Variants in ZSCAN18 observed in about 807,000 individuals in gnomAD.
ZSCAN18 encodes zinc finger and SCAN domain containing 18, also known as zinc finger and SCAN domain-containing protein 18.
In ZSCAN18, 16 loss-of-function variants were observed where a neutral mutation model predicts 31.1. The ratio of observed to expected loss-of-function variants is 0.51; its 90% confidence interval spans 0.35 to 0.78. The LOEUF is 0.78. ZSCAN18 is among the 30% of genes least tolerant of loss of function. ZSCAN18 has a pLI of 0.01. For missense variants in ZSCAN18, 731 were observed against 697.4 expected, an observed-to-expected ratio of 1.05 and a Z score of -0.54; for synonymous variants, 375 against 320.7, an observed-to-expected ratio of 1.17 and a Z score of -1.81.
intron 1 of ZSCAN18, among the ~76,000 whole-genome samples, chr19:58,117,081 T>C (rs894665462): frequency 6.6e-6 from 1 of 152,190 alleles, no homozygotes; most frequent in Non-Finnish European, 1.5e-5. Context: ...TTTTGAATTT[T>C]AATTTATGTC....
chr19:58,086,259 C>A lies in ZSCAN18; in HGVS notation c.753G>T (p.Gln251His). 1 of 1,613,758 alleles carries A rather than the reference C, an allele frequency of 6.2e-7. No individual in the cohort carries two copies. The highest frequency in any genetic ancestry group is 1.1e-5 in the South Asian group (1 of 91,086). The change falls in exon 6 of 7, where the codon CAG becomes CAT. Residue 251 changes from glutamine to histidine, a missense_variant. Gln to His is a conservative substitution (Grantham distance 24). This residue lies in a region of ZSCAN18 where 597 missense variants were observed against 499.5 expected (regional missense o/e 1.20). Transcript: ENST00000601144. ...SYRKLLLWGY[Q>H]LSQPDAASRL... The stretch of plus-strand genomic sequence containing the variant: ...TGGAGGCAGCGTCAGGCTGGGAAAG[C>A]TGATACCCTGAGTGGGGTTAAAAAC...
rs369240615 is a variant in ZSCAN18 at position 58,085,053 on chromosome 19, C to T, written c.1165G>A (p.Gly389Ser). Residue 389 changes from glycine (G) to serine (S), a missense_variant, in exon 7 of 7, where the codon GGC (glycine) becomes AGC (serine). This residue lies in a region of ZSCAN18 where 597 missense variants were observed against 499.5 expected (regional missense o/e 1.20). Transcript: ENST00000601144. Reference sequence around the variant, plus strand: ...CCGGCCTCCAGCCCTGCGCTGTCGCCGGAGCTAGAGACGCCCTCGAGGCTC... The same window carrying T: ...CCGGCCTCCAGCCCTGCGCTGTCGCTGGAGCTAGAGACGCCCTCGAGGCTC... ...GQSLEGVSSS[G>S]DSAGLEAGQG... 68 of 1,598,590 alleles carry T rather than the reference C, an allele frequency of 4.3e-5. No individual in the cohort carries two copies. Among genetic ancestry groups the T allele is most frequent in the Admixed American group, 1.2e-4 (7 of 58,846 alleles).
At chr19:58,118,337 A>G (rs1002756431) in exon 1 of ZSCAN18, 30 of 1,532,814 alleles carry the variant, frequency 2.0e-5, no homozygotes, top group Non-Finnish European at 2.5e-5. Context: ...CCGCGAGAGG[A>G]CGGAACTCAC....
chr19:58,097,679 C>T (rs1208970236), intron 1 of ZSCAN18, among the ~76,000 whole-genome samples: 1 of 149,284 alleles, frequency 6.7e-6, no homozygotes, highest in African/African-American at 2.5e-5. Context: ...CCTCAGCCCC[C>T]ACTTCCTCCC....
upstream of ZSCAN18, among the ~76,000 whole-genome samples, chr19:58,101,299 A>ATTTTTTTTTTTTTTTTTTTTT (rs71188078): frequency 9.2e-6 from 1 of 108,412 alleles, no homozygotes; most frequent in African/African-American, 3.6e-5. Flanking sequence ...TGCCCAGCTA[A>ATTTTTTTTTTTTTTTTTTTTT]TTTTTTTTTT....
chr19:58,084,972 C>A lies in ZSCAN18; in HGVS notation c.1246G>T (p.Gly416Cys). 6.3e-7 allele frequency: 1 copy of A among 1,599,904 alleles called. No homozygotes were observed. The change falls in exon 7 of 7, where the codon GGC becomes TGC. Residue 416 changes from glycine to cysteine, a missense_variant. Around this residue, in one of 4 missense-constraint regions of ZSCAN18, gnomAD observed 597 missense variants for 499.5 expected, o/e 1.20. Transcript: ENST00000601144. This position sits in a 1 kb window ranked among gnomAD's most constrained non-coding sequence, Gnocchi z 4.5. ...GLSRGKPYAC[G>C]ECGEAFAWLS... The stretch of plus-strand genomic sequence containing the variant: ...CACGCGAAGGCCTCCCCGCACTCGC[C>A]GCAGGCATAGGGCTTCCCGCGGGAC...
chr19:58,086,724 A>G, intron 5 of ZSCAN18, 182 bp downstream of exon 5: 1 of 581,826 alleles, frequency 1.7e-6, no homozygotes, highest in Non-Finnish European at 3.0e-6. Flanking sequence ...CAGAACTCAG[A>G]TGTTTAGATC....
intron 1 of ZSCAN18, chr19:58,107,512 G>A (rs2074644083): frequency 6.4e-6 from 2 of 310,340 alleles, no homozygotes; most frequent in Non-Finnish European, 9.4e-6. Context: ...AGGGAGCTGA[G>A]ATCACACTAC....
At chr19:58,113,272 C>T (rs1033377826) in intron 1 of ZSCAN18, among the ~76,000 whole-genome samples, 29 of 151,574 alleles carry the variant, frequency 1.9e-4, no homozygotes, top group African/African-American at 6.8e-4. Flanking sequence ...GCCGAGATCA[C>T]GCCACTGCAC....
upstream of ZSCAN18, chr19:58,098,350 G>A (rs2074562445): frequency 1.0e-6 from 1 of 985,518 alleles, no homozygotes. Flanking sequence ...CAGTGCGCAT[G>A]GCCAATCAGA....
At position 58,084,509 on chromosome 19, in the gene ZSCAN18, C is replaced by G; in HGVS notation, c.*176G>C. 1.6e-6 allele frequency: 1 copy of G among 616,070 alleles called. No individual in the cohort carries two copies. Among genetic ancestry groups the G allele is most frequent in the Non-Finnish European group, 2.6e-6 (1 of 385,368 alleles). The allele number at this position is 616,070 out of a possible 1,614,324, so 38.2% of individuals were successfully genotyped here. ...GGTGTGTTTACAGAGGTGAGGGCTT[C>G]CCGTGGACCCTTCTCGTTGGGAGCG... On this transcript the variant is annotated 3_prime_UTR_variant, in exon 7 of 7. Coordinates refer to ENST00000601144, the MANE Select transcript of ZSCAN18 (RefSeq NM_001145543.2). The surrounding 1 kb of genome is among the most constrained non-coding windows in gnomAD (Gnocchi z 4.5).
In ZSCAN18 at chr19:58,088,670, G is replaced by C. The variant is rs112072834; in HGVS notation, c.553+18C>G. The C allele has an allele frequency of 5.6e-6, 9 of 1,604,140 alleles. No homozygotes were observed. In the African/African-American group the frequency reaches 9.3e-5, roughly 17 times the overall value. On this transcript the variant is annotated intron_variant, in intron 3 of 6. Coordinates refer to ENST00000601144, the MANE Select transcript of ZSCAN18 (RefSeq NM_001145543.2). ...ACCTAAGGCCCAGCAGAGGCTGCCAGGCTAGCTGGGCACTCACGTGTCTCA... is the reference window on the plus strand; with the variant it reads ...ACCTAAGGCCCAGCAGAGGCTGCCACGCTAGCTGGGCACTCACGTGTCTCA...
chr19:58,108,468 G>A, intron 1 of ZSCAN18: 2 of 985,672 alleles, frequency 2.0e-6, no homozygotes, highest in Non-Finnish European at 2.4e-6. Flanking sequence ...CTTGGTAAAG[G>A]TGGAGCCAGC....
intron 1 of ZSCAN18, among the ~76,000 whole-genome samples, chr19:58,096,137 CAGG>C (rs1156833913): frequency 1.3e-5 from 2 of 152,186 alleles, no homozygotes; most frequent in South Asian, 2.1e-4. Context: ...GAGTCTTAAG[CAGG>C]AGGACTGCTT....
intron 1 of ZSCAN18, chr19:58,109,375 A>C: frequency 8.1e-7 from 1 of 1,228,882 alleles, no homozygotes; most frequent in Non-Finnish European, 1.0e-6. Context: ...GTAATGTGTA[A>C]ACATTAAAAT....
At chr19:58,107,813 G>C in intron 1 of ZSCAN18, 2 of 997,372 alleles carry the variant, frequency 2.0e-6, no homozygotes, top group Non-Finnish European at 2.4e-6. Context: ...AGATACTTGG[G>C]AAAACTTTCC....
chr19:58,092,861 C>A (rs907332738), intron 1 of ZSCAN18: 2 of 275,462 alleles, frequency 7.3e-6, no homozygotes, highest in Non-Finnish European at 1.1e-5. Context: ...GCAGCCTCAA[C>A]CTCCTGAGCT....
At chr19:58,093,970 G>A (rs1386043564) in intron 1 of ZSCAN18, among the ~76,000 whole-genome samples, 1 of 151,778 alleles carries the variant, frequency 6.6e-6, no homozygotes, top group Admixed American at 6.6e-5. Context: ...TCACCATGTT[G>A]GCCAGGCTGG....
chr19:58,090,527 G>A lies in ZSCAN18; in HGVS notation c.-119-141C>T. On this transcript the variant is annotated intron_variant, in intron 1 of 6. Coordinates refer to ENST00000601144, the MANE Select transcript of ZSCAN18 (RefSeq NM_001145543.2). This position sits in a 1 kb window ranked among gnomAD's most constrained non-coding sequence, Gnocchi z 4.7. The stretch of plus-strand genomic sequence containing the variant: ...CTTGTTAGGCATCAGTAGAACCTCA[G>A]TGTTGTACTCATGTAGATAAAAAGT... 1.5e-6 allele frequency: 1 copy of A among 681,958 alleles called. No individual in the cohort carries two copies. The allele number at this position is 681,958 out of a possible 1,614,324, so 42.2% of individuals were successfully genotyped here.
Sources: gnomAD v4.1 joint callset for allele counts (sites outside exome capture counted in the v4.1 genomes callset) on GRCh38, gnomAD v4.1.1 for gene constraint, gnomAD v4.1.1 regional missense constraint, Gnocchi (gnomAD v3.1) non-coding constraint, MANE v1.5 for transcripts, NCBI Gene and HGNC (gene_info 2026-07-23, HGNC 2026-07-21) for gene names.